Variants in IGF1R observed in about 807,000 individuals in gnomAD.
IGF1R encodes insulin like growth factor 1 receptor, also known as insulin-like growth factor 1 receptor.
A neutral mutation model predicts 144.6 loss-of-function variants in IGF1R; 44 were observed. The ratio of observed to expected loss-of-function variants is 0.30; its 90% CI spans 0.24 to 0.39. The LOEUF is 0.39. Among genes scored for constraint, IGF1R ranks in the 10% least tolerant of loss-of-function variants. IGF1R has a pLI of 1.00. For missense variants in IGF1R, 1,355 were observed against 1,833.7 expected (o/e 0.74, Z 4.77); for synonymous variants, 795 against 722.8 (o/e 1.10, Z -1.60).
chr15:98,875,518 T>G (rs954308043), intron 2 of IGF1R, among the ~76,000 whole-genome samples: 1 of 152,046 alleles, frequency 6.6e-6, no homozygotes, highest in Non-Finnish European at 1.5e-5. Flanking sequence ...GCAAAGCATG[T>G]GGATGCATGG....
intron 17 of IGF1R, 66 bp from the exon 18 acceptor site, chr15:98,939,135 G>A (rs991297448): frequency 1.9e-5 from 27 of 1,398,728 alleles, no homozygotes; most frequent in Non-Finnish European, 2.4e-5. Flanking sequence ...TGCAAACCTC[G>A]AAAGAAATTG....
In IGF1R at chr15:98,885,711, TC is replaced by T. The variant is rs1329871068; in HGVS notation, c.641-5612del. On this transcript the variant is annotated intron_variant, in intron 2 of 20. Transcript: ENST00000650285. ...TTGAACATCTGCAGAATAAGTTCTT[TC>T]CTTTAGAAATGATTGGGGATAAAAT... Among the ~76,000 whole-genome samples, 10 of 152,234 alleles carry T rather than the reference TC, an allele frequency of 6.6e-5. No individual in the cohort carries two copies. The East Asian group carries it at 1.9e-3, about 29-fold the overall frequency.
chr15:98,746,962 A>C (rs2054882838), intron 2 of IGF1R, among the ~76,000 whole-genome samples: 1 of 152,190 alleles, frequency 6.6e-6, no homozygotes, highest in Non-Finnish European at 1.5e-5. Context: ...TCTTGAGTTG[A>C]ACCTATGCTC....
At chr15:98,756,796 A>G (rs767767369) in intron 2 of IGF1R, among the ~76,000 whole-genome samples, 11 of 152,178 alleles carry the variant, frequency 7.2e-5, no homozygotes, top group Non-Finnish European at 1.2e-4. Flanking sequence ...GGTTTTAGAC[A>G]GTTGATCTCC....
At chr15:98,669,552 G>A (rs1385232393) in intron 1 of IGF1R, among the ~76,000 whole-genome samples, 2 of 152,174 alleles carry the variant, frequency 1.3e-5, no homozygotes, top group Non-Finnish European at 2.9e-5. Flanking sequence ...AAAGGTGAGG[G>A]TTAGATATCT....
In IGF1R at chr15:98,962,629, G is replaced by A. The variant is rs576763655; in HGVS notation, c.*5187G>A. 1.1e-4 allele frequency: 26 copies of A among 233,822 alleles called. No individual in the cohort carries two copies. Among genetic ancestry groups the A allele is most frequent in the East Asian group, 1.0e-3 (17 of 16,576 alleles). The allele number at this position is 233,822 out of a possible 1,614,324, so 14.5% of individuals were successfully genotyped here. The stretch of plus-strand genomic sequence containing the variant: ...AGTGCTCCTTGATGGTGGAATGACC[G>A]GGTGGTGGGTACAGAACCATTGTCA... On this transcript the variant is annotated 3_prime_UTR_variant, in exon 21 of 21. Coordinates refer to ENST00000650285, the MANE Select transcript of IGF1R (RefSeq NM_000875.5).
intron 2 of IGF1R, among the ~76,000 whole-genome samples, chr15:98,769,546 T>C (rs2055530459): frequency 6.6e-6 from 1 of 152,170 alleles, no homozygotes; most frequent in Non-Finnish European, 1.5e-5. Context: ...TTAGACTTGG[T>C]AAGAAGTATA....
Position 98,708,017 on chromosome 15 carries a change from G to C in IGF1R, c.550G>C (p.Gly184Arg). Reference protein sequence around the residue: ...PPKECGDLCPGTMEEKPMCEK... With the variant: ...PPKECGDLCPRTMEEKPMCEK... ...AAAGGAATGTGGGGACCTGTGTCCA[G>C]GGACCATGGAGGAGAAGCCGATGTG... Residue 184 changes from glycine to arginine, a missense_variant, in exon 2 of 21, where the codon GGG (glycine) becomes CGG (arginine). Coordinates refer to ENST00000650285, the MANE Select transcript of IGF1R (RefSeq NM_000875.5). The C allele has an allele frequency of 6.2e-7, 1 of 1,614,160 alleles. No individual in the cohort carries two copies. The highest frequency in any genetic ancestry group is 8.5e-7 in the Non-Finnish European group (1 of 1,180,016).
intron 1 of IGF1R, among the ~76,000 whole-genome samples, chr15:98,698,038 C>CTT (rs57604161): frequency 1.5e-4 from 20 of 133,470 alleles, no homozygotes; most frequent in Non-Finnish European, 2.6e-4. Context: ...CCTGGCCTTC[C>CTT]TTTTTTTTTT....
At chr15:98,694,554 G>A (rs553614263) in intron 1 of IGF1R, among the ~76,000 whole-genome samples, 2 of 152,098 alleles carry the variant, frequency 1.3e-5, no homozygotes, top group East Asian at 3.9e-4. Context: ...GGATGCAGGT[G>A]CCAGTGACTG....
chr15:98,906,268 AG>A (rs1948378937), intron 5 of IGF1R, among the ~76,000 whole-genome samples: 1 of 152,230 alleles, frequency 6.6e-6, no homozygotes, highest in Non-Finnish European at 1.5e-5. Flanking sequence ...TAGTGAAATT[AG>A]TTTATGAAAA....
chr15:98,803,608 C>T lies in IGF1R; in HGVS notation c.641-87717C>T, dbSNP rs571828807. On this transcript the variant is annotated intron_variant, in intron 2 of 20. Transcript: ENST00000650285. ...GCAGCCTCGACCGCCAAGGCTCAAG[C>T]GATCCTCTTACCTCAGCCTCCTGAG... Among the ~76,000 whole-genome samples the T allele has an allele frequency of 5.9e-5, 9 of 152,106 alleles. No homozygotes were observed. The South Asian group carries it at 1.2e-3, about 21-fold the overall frequency.
At chr15:98,953,393 G>T (rs1382047377) in intron 20 of IGF1R, among the ~76,000 whole-genome samples, 2 of 152,122 alleles carry the variant, frequency 1.3e-5, no homozygotes, top group East Asian at 3.8e-4. Flanking sequence ...TCCCTGCTGG[G>T]TCTGTACTTT....
At chr15:98,686,670 A>ATTTT (rs201014820) in intron 1 of IGF1R, among the ~76,000 whole-genome samples, 6 of 145,696 alleles carry the variant, frequency 4.1e-5, no homozygotes, top group South Asian at 2.2e-4. Flanking sequence ...GAAGTATTTA[A>ATTTT]TTTTTTTTTT....
chr15:98,675,420 G>A (rs1365639002), intron 1 of IGF1R, among the ~76,000 whole-genome samples: 1 of 152,202 alleles, frequency 6.6e-6, no homozygotes, highest in Non-Finnish European at 1.5e-5. Context: ...TTGTGTAAGT[G>A]TGCATGATCC....
intron 2 of IGF1R, among the ~76,000 whole-genome samples, chr15:98,834,641 C>CT (rs2057061396): frequency 6.6e-6 from 1 of 152,190 alleles, no homozygotes; most frequent in South Asian, 2.1e-4. Flanking sequence ...GGGAATCTCT[C>CT]TGAGAATCCT....
chr15:98,859,116 T>C (rs1234628869), intron 2 of IGF1R, among the ~76,000 whole-genome samples: 4 of 152,184 alleles, frequency 2.6e-5, no homozygotes, highest in East Asian at 1.9e-4. Flanking sequence ...TTTGGACTTT[T>C]AGAAACACAT....
chr15:98,780,431 C>T (rs2055829168), intron 2 of IGF1R, among the ~76,000 whole-genome samples: 1 of 151,406 alleles, frequency 6.6e-6, no homozygotes, highest in Non-Finnish European at 1.5e-5. Flanking sequence ...TGCCTGTAAT[C>T]CCAGCTACTC....
rs183524202 is a variant in IGF1R, at chr15:98,935,885, G to A, written c.3297+459G>A. Among the ~76,000 whole-genome samples, 58 of 152,194 alleles carry A rather than the reference G, an allele frequency of 3.8e-4. No individual in the cohort carries two copies. The highest frequency in any genetic ancestry group is 1.4e-3 in the Admixed American group (22 of 15,298). On this transcript the variant is annotated intron_variant, in intron 17 of 20. Coordinates refer to ENST00000650285, the MANE Select transcript of IGF1R (RefSeq NM_000875.5). The surrounding 1 kb of genome is among the most constrained non-coding windows in gnomAD (Gnocchi z 4.2). ...TTGGAGTGTGTCCCCCCTCCACCCC[G>A]TTGTGTTTAGCTTTTCATCTCAGTC...
Sources: gnomAD v4.1 joint callset for allele counts (sites outside exome capture counted in the v4.1 genomes callset) on GRCh38, gnomAD v4.1.1 for gene constraint, Gnocchi (gnomAD v3.1) non-coding constraint, MANE v1.5 for transcripts, NCBI Gene and HGNC (gene_info 2026-07-23, HGNC 2026-07-21) for gene names.